ZFHX3: variants seen among roughly 807,000 people sequenced by gnomAD.
The protein encoded by ZFHX3 is zinc finger homeobox protein 3.
A neutral mutation model predicts 279.1 loss-of-function variants in ZFHX3; 42 were observed. That is an observed-to-expected ratio of 0.15 (90% CI 0.12 to 0.19). ZFHX3 has a LOEUF of 0.19. Among genes scored for constraint, ZFHX3 ranks in the 10% least tolerant of loss-of-function variants. The pLI is 1.00. For synonymous variants in ZFHX3, 2,293 were observed against 1,957.8 expected (o/e 1.17, Z -4.52); for missense variants, 4,981 against 4,754.0 (o/e 1.05, Z -1.40).
At chr16:73,764,274 C>T (rs549860492) in intron 1 of ZFHX3, among the ~76,000 whole-genome samples, 2 of 152,180 alleles carry the variant, frequency 1.3e-5, no homozygotes, top group Non-Finnish European at 2.9e-5. Context: ...TTGCTGCCAT[C>T]CTGCCTTCAA....
chr16:72,956,842 AC>A (rs1567603817), intron 2 of ZFHX3, among the ~76,000 whole-genome samples: 2 of 151,580 alleles, frequency 1.3e-5, no homozygotes, highest in East Asian at 3.9e-4. Context: ...AAAAAAAAAA[AC>A]ATCTCTTTCA....
chr16:73,055,344 T>C (rs2042038663), intron 1 of ZFHX3, among the ~76,000 whole-genome samples: 1 of 152,060 alleles, frequency 6.6e-6, no homozygotes, highest in South Asian at 2.1e-4. Flanking sequence ...AGGCATAGGC[T>C]CTGGTGCCTT....
At chr16:73,676,556 A>C (rs961984667) in intron 2 of ZFHX3, among the ~76,000 whole-genome samples, 1 of 152,164 alleles carries the variant, frequency 6.6e-6, no homozygotes, top group South Asian at 2.1e-4. Context: ...CAGAGAACGA[A>C]AAATAATAAA....
chr16:73,089,048 C>T (rs184758380), intron 8 of ZFHX3, among the ~76,000 whole-genome samples: 1 of 151,726 alleles, frequency 6.6e-6, no homozygotes, highest in Non-Finnish European at 1.5e-5. Context: ...CTCAGACAGA[C>T]ACTCACTTCC....
chr16:73,120,612 G>T (rs112563498), intron 7 of ZFHX3, among the ~76,000 whole-genome samples: 1,205 of 118,502 alleles, frequency 0.01, 18 homozygotes, highest in African/African-American at 0.037. Context: ...TCTTGATATT[G>T]TTTTTGTTTG....
chr16:73,507,809 T>A (rs1302201273), intron 2 of ZFHX3, among the ~76,000 whole-genome samples: 1 of 152,158 alleles, frequency 6.6e-6, no homozygotes, highest in Non-Finnish European at 1.5e-5. Flanking sequence ...CCTCTGCCAC[T>A]TTTTACCTGG....
chr16:73,810,576 A>G (rs914177207), intron 1 of ZFHX3, among the ~76,000 whole-genome samples: 9 of 152,320 alleles, frequency 5.9e-5, no homozygotes, highest in Admixed American at 5.2e-4. Flanking sequence ...GCTTTCACAC[A>G]TTCATTATCT....
intron 1 of ZFHX3, among the ~76,000 whole-genome samples, chr16:73,871,685 C>T (rs2029862539): frequency 6.6e-6 from 1 of 151,980 alleles, no homozygotes; most frequent in South Asian, 2.1e-4. Flanking sequence ...TTATCTTTTG[C>T]AAAGGCCAGC....
chr16:73,271,873 C>T (rs1487940279), intron 4 of ZFHX3, among the ~76,000 whole-genome samples: 1 of 152,224 alleles, frequency 6.6e-6, no homozygotes, highest in African/African-American at 2.4e-5. Flanking sequence ...TGCTTCTCTT[C>T]TCAGTTAGAT....
chr16:73,073,022 A>T (rs761407660), intron 8 of ZFHX3, among the ~76,000 whole-genome samples: 1 of 151,234 alleles, frequency 6.6e-6, no homozygotes, highest in African/African-American at 2.4e-5. Flanking sequence ...TTAGCCTCTC[A>T]AGTAGCTGGG....
chr16:73,532,710 T>G (rs1161754634), intron 2 of ZFHX3, among the ~76,000 whole-genome samples: 1 of 152,194 alleles, frequency 6.6e-6, no homozygotes, highest in African/African-American at 2.4e-5. Flanking sequence ...TCACCTGATA[T>G]GGTTTAGCTC....
chr16:73,273,164 A>T (rs1459182838), intron 4 of ZFHX3, among the ~76,000 whole-genome samples: 1 of 152,198 alleles, frequency 6.6e-6, no homozygotes, highest in Non-Finnish European at 1.5e-5. Flanking sequence ...TCTAATCCTC[A>T]TGTGGTAACA....
At chr16:73,306,445 A>T (rs548993045) in intron 4 of ZFHX3, among the ~76,000 whole-genome samples, 1 of 152,146 alleles carries the variant, frequency 6.6e-6, no homozygotes, top group East Asian at 1.9e-4. Flanking sequence ...TCAGCCTCCC[A>T]TGTACCTGGG....
chr16:73,770,255 C>G (rs2054002781), intron 1 of ZFHX3, among the ~76,000 whole-genome samples: 1 of 152,172 alleles, frequency 6.6e-6, no homozygotes, highest in Non-Finnish European at 1.5e-5. Flanking sequence ...CTCTGCCAGC[C>G]ATTGCTGGCT....
At chr16:73,211,604 T>C (rs150750426) in intron 5 of ZFHX3, among the ~76,000 whole-genome samples, 1 of 152,224 alleles carries the variant, frequency 6.6e-6, no homozygotes, top group African/African-American at 2.4e-5. Flanking sequence ...TGGAGCCTAT[T>C]TAGTGTCCAC....
chr16:73,849,121 G>A (rs1234527546), intron 1 of ZFHX3, among the ~76,000 whole-genome samples: 2 of 152,198 alleles, frequency 1.3e-5, no homozygotes, highest in Non-Finnish European at 2.9e-5. Context: ...AGTATGGAAA[G>A]ACAATCACCT....
In ZFHX3 at chr16:73,154,101, T is replaced by C. The variant is rs145641258; in HGVS notation, c.-1103-10270A>G. On this transcript the variant is annotated intron_variant, in intron 5 of 17. Transcript: ENST00000641206. The stretch of plus-strand genomic sequence containing the variant: ...AGGCGACCATTGCGAAAATGTGCAA[T>C]CTTTGGTCGGCATCTCAGTCCAGAT... Among the ~76,000 whole-genome samples, 202 of 152,246 alleles carry C rather than the reference T, an allele frequency of 1.3e-3. 2 individuals carry two copies. Among genetic ancestry groups the C allele is most frequent in the Middle Eastern group, 3.4e-3 (1 of 294 alleles).
chr16:73,514,420 A>G (rs1203242509), intron 2 of ZFHX3, among the ~76,000 whole-genome samples: 1 of 152,168 alleles, frequency 6.6e-6, no homozygotes, highest in Non-Finnish European at 1.5e-5. Context: ...TAGGCATTTT[A>G]TACATATTTT....
At chr16:73,529,177 G>A (rs2019748683) in intron 2 of ZFHX3, among the ~76,000 whole-genome samples, 1 of 152,178 alleles carries the variant, frequency 6.6e-6, no homozygotes. Flanking sequence ...GGTCAGTCCT[G>A]TATTTCATTC....
Sources: gnomAD v4.1 joint callset for allele counts (sites outside exome capture counted in the v4.1 genomes callset) on GRCh38, gnomAD v4.1.1 for gene constraint, MANE v1.5 for transcripts, NCBI Gene and HGNC (gene_info 2026-07-23, HGNC 2026-07-21) for gene names.